Variants in MXD1 observed in about 807,000 individuals in gnomAD.
MXD1 encodes the protein MAX dimerization protein 1.
MXD1 carries 9 observed loss-of-function variants against 25.7 expected under a neutral mutation model. The ratio of observed to expected loss-of-function variants is 0.35; its 90% confidence interval spans 0.21 to 0.61. MXD1 has a LOEUF of 0.61. Ranked by LOEUF, MXD1 falls within the 20% of genes least tolerant of loss-of-function variation. The pLI, the probability that MXD1 is intolerant of heterozygous loss-of-function variation, is 0.75. For synonymous variants in MXD1, 99 were observed against 113.9 expected (o/e 0.87, Z 0.83); for missense variants, 227 against 292.4 (o/e 0.78, Z 1.63).
At chr2:69,923,645 A>G (rs997643494) in intron 3 of MXD1, among the ~76,000 whole-genome samples, 2 of 151,864 alleles carry the variant, frequency 1.3e-5, no homozygotes, top group African/African-American at 2.4e-5. Flanking sequence ...TGCTCATCCC[A>G]TCGTCTTCCC....
At chr2:69,935,093 A>G (rs951160859) in intron 3 of MXD1, among the ~76,000 whole-genome samples, 2 of 152,246 alleles carry the variant, frequency 1.3e-5, no homozygotes, top group Non-Finnish European at 2.9e-5. Flanking sequence ...GTGAATGACT[A>G]TATAATAGCA....
rs1318646523 is a variant in MXD1, at chr2:69,941,510, GTGTTGA to G, written c.*3228_*3233del. ...TCAACCTAAGATGAAAATAATTTCA[GTGTTGA>G]TTCAGAACTGAACATTAAGTAGGCC... On this transcript the variant is annotated 3_prime_UTR_variant, in exon 6 of 6. Transcript: ENST00000264444. The G allele has an allele frequency of 6.6e-6, 1 of 152,220 alleles. No homozygotes were observed. Among genetic ancestry groups the G allele is most frequent in the East Asian group, 1.9e-4 (1 of 5,204 alleles). The allele number at this position is 152,220 out of a possible 1,614,324, so 9.4% of individuals were successfully genotyped here. A position where few individuals can be genotyped will look rare whatever the true frequency, so the allele number is the denominator to read the frequency against.
rs552761228 is a variant in MXD1 at position 69,942,667 on chromosome 2, T to A, written c.*4383T>A. ...ATTGGTGCTCTTGGAATATTGCTGT[T>A]ACCATCATTTTTGGGGGGCCATCTT... On this transcript the variant is annotated 3_prime_UTR_variant, in exon 6 of 6. Coordinates refer to ENST00000264444, the MANE Select transcript of MXD1 (RefSeq NM_002357.4). 1 of 152,358 alleles carries A rather than the reference T, an allele frequency of 6.6e-6. No individual in the cohort carries two copies. The highest frequency in any genetic ancestry group is 2.4e-5 in the African/African-American group (1 of 41,588). The allele number at this position is 152,358 out of a possible 1,614,324, so 9.4% of individuals were successfully genotyped here.
intron 3 of MXD1, among the ~76,000 whole-genome samples, chr2:69,928,078 C>G (rs1207470368): frequency 6.6e-6 from 1 of 151,886 alleles, no homozygotes. Flanking sequence ...ATTAATTTTA[C>G]AAGTCCCATT....
At chr2:69,935,141 G>C (rs1196660326) in intron 3 of MXD1, among the ~76,000 whole-genome samples, 2 of 152,194 alleles carry the variant, frequency 1.3e-5, no homozygotes, top group Admixed American at 6.5e-5. Context: ...ATTATCAATA[G>C]ACTTAGCTTC....
intron 3 of MXD1, among the ~76,000 whole-genome samples, chr2:69,930,691 C>T (rs1347799846): frequency 6.6e-6 from 1 of 152,152 alleles, no homozygotes; most frequent in African/African-American, 2.4e-5. Context: ...CCTCTGTCTG[C>T]CTAGTGAGAC....
At chr2:69,926,850 A>G (rs1475011856) in intron 3 of MXD1, among the ~76,000 whole-genome samples, 6 of 152,242 alleles carry the variant, frequency 3.9e-5, no homozygotes, top group African/African-American at 1.4e-4. Context: ...GCTACAGCCA[A>G]TAGGTCAGGA....
In MXD1 at chr2:69,940,240, A is replaced by G. The variant is rs976924379; in HGVS notation, c.*1956A>G. 2 of 151,590 alleles carry G rather than the reference A, an allele frequency of 1.3e-5. No homozygotes were observed. Among genetic ancestry groups the G allele is most frequent in the African/African-American group, 2.4e-5 (1 of 41,214 alleles). 9.4% of individuals were successfully genotyped at this position (151,590 alleles called of 1,614,324 possible). ...CAACTTGTATGCCTTTTGCATTTTT[A>G]AAGCCTGCTTCCTGGATTTAAGCAG... On this transcript the variant is annotated 3_prime_UTR_variant, in exon 6 of 6. Coordinates refer to ENST00000264444, the MANE Select transcript of MXD1 (RefSeq NM_002357.4).
At position 69,937,390 on chromosome 2, in the gene MXD1, C is replaced by A. The variant is rs369382447; in HGVS notation, c.474C>A (p.Asp158Glu). The A allele has an allele frequency of 6.2e-7, 1 of 1,603,618 alleles. No individual in the cohort carries two copies. Among genetic ancestry groups the A allele is most frequent in the South Asian group, 1.1e-5 (1 of 90,012 alleles). Residue 158 changes from aspartate (D) to glutamate (E), a missense_variant, in exon 5 of 6, where the codon GAC becomes GAA. Transcript: ENST00000264444. ...STVSSERSDS[D>E]REEIDVDVES... ...TCTCCTCGGAGCGCTCCGACTCCGACAGGGGTGAGCCTCTCTCACTCTCCT... is the reference window on the plus strand; with the variant it reads ...TCTCCTCGGAGCGCTCCGACTCCGAAAGGGGTGAGCCTCTCTCACTCTCCT...
rs1045888605 is a variant in MXD1 at position 69,938,636 on chromosome 2, A to C, written c.*352A>C. The C allele has an allele frequency of 6.3e-5, 12 of 191,956 alleles. No individual in the cohort carries two copies. The Admixed American group carries it at 6.8e-4, about 11-fold the overall frequency. 11.9% of individuals were successfully genotyped at this position (191,956 alleles called of 1,614,324 possible). On this transcript the variant is annotated 3_prime_UTR_variant, in exon 6 of 6. Coordinates refer to ENST00000264444, the MANE Select transcript of MXD1 (RefSeq NM_002357.4). ...GACCTTTCTTCCAGTTTTCTGGCTT[A>C]CTGTGTTACTTGCCTAGGAGGAATG... is the stretch of plus-strand genomic sequence containing the variant.
chr2:69,922,050 T>G (rs1677074936), intron 3 of MXD1, among the ~76,000 whole-genome samples: 2 of 152,212 alleles, frequency 1.3e-5, no homozygotes, highest in Non-Finnish European at 2.9e-5. Context: ...AGGCAACATT[T>G]CCACAAATAG....
intron 3 of MXD1, among the ~76,000 whole-genome samples, chr2:69,930,841 G>A (rs1204578109): frequency 2.0e-5 from 3 of 152,152 alleles, no homozygotes; most frequent in Non-Finnish European, 4.4e-5. Context: ...CTCCCTGTCA[G>A]ACCCTGACCC....
intron 3 of MXD1, among the ~76,000 whole-genome samples, chr2:69,925,944 A>T (rs1396310315): frequency 3.3e-5 from 5 of 152,174 alleles, no homozygotes; most frequent in Non-Finnish European, 7.4e-5. Context: ...AGTAAAAAAT[A>T]AAAAAACACA....
At chr2:69,916,370 G>A in intron 2 of MXD1, 150 bp downstream of exon 2, 1 of 506,726 alleles carries the variant, frequency 2.0e-6, no homozygotes, top group East Asian at 3.4e-5. Context: ...TTAAGCCATT[G>A]CAGGAAGCTG....
rs372822770 is a variant in MXD1 at position 69,915,217 on chromosome 2, G to C, written c.-114G>C. The stretch of plus-strand genomic sequence containing the variant: ...AGGCTCCCTCAGCCCTGCTCCGCGG[G>C]GTCCACAGCGGGCTCCACAGCGGGC... On this transcript the variant is annotated 5_prime_UTR_variant, in exon 1 of 6. Coordinates refer to ENST00000264444, the MANE Select transcript of MXD1 (RefSeq NM_002357.4). The surrounding 1 kb of genome is among the most constrained non-coding windows in gnomAD (Gnocchi z 5.8). 1 of 938,478 alleles carries C rather than the reference G, an allele frequency of 1.1e-6. No individual in the cohort carries two copies. Among genetic ancestry groups the C allele is most frequent in the Non-Finnish European group, 1.4e-6 (1 of 701,576 alleles). The allele number at this position is 938,478 out of a possible 1,614,324, so 58.1% of individuals were successfully genotyped here.
rs1225430275 is a variant in MXD1 at position 69,937,468 on chromosome 2, CAGGAGGCAG to C, written c.478+77_478+85del. On this transcript the variant is annotated intron_variant, in intron 5 of 5. Coordinates refer to ENST00000264444, the MANE Select transcript of MXD1 (RefSeq NM_002357.4). ...CAGAGCAGGGGTTCAGTACTGCGGA[CAGGAGGCAG>C]AGTGTAAGAAGAACTAAGACACTGG... 5.7e-6 allele frequency: 8 copies of C among 1,402,398 alleles called. No homozygotes were observed. In the Admixed American group the frequency reaches 2.0e-4, roughly 34 times the overall value. 86.9% of individuals were successfully genotyped at this position (1,402,398 alleles called of 1,614,324 possible). A position where few individuals can be genotyped will look rare whatever the true frequency, so the allele number is the denominator to read the frequency against.
Position 69,938,090 on chromosome 2 carries a change from C to A in MXD1, c.479-7C>A, listed in dbSNP as rs752606332. On this transcript the variant is annotated splice_polypyrimidine_tract_variant and splice_region_variant and intron_variant, in intron 5 of 5. Transcript: ENST00000264444. The stretch of plus-strand genomic sequence containing the variant: ...ATCAATGTCCTTCTCTCTTGTCCTC[C>A]CTGCAGAAGAAATCGACGTTGACGT... 13 of 1,613,060 alleles carry A rather than the reference C, an allele frequency of 8.1e-6. No individual in the cohort carries two copies. In the South Asian group the frequency reaches 1.4e-4, roughly 18 times the overall value.
intron 3 of MXD1, among the ~76,000 whole-genome samples, chr2:69,925,605 C>T (rs13404878): frequency 0.022 from 3,353 of 152,088 alleles, 113 homozygotes; most frequent in South Asian, 0.073. Context: ...GCATCTTTTC[C>T]AGTTATAAAC....
chr2:69,929,371 C>T (rs544788352), intron 3 of MXD1, among the ~76,000 whole-genome samples: 5 of 152,202 alleles, frequency 3.3e-5, no homozygotes, highest in Non-Finnish European at 7.3e-5. Flanking sequence ...CAGATAGCAC[C>T]ATCTACCTAA....
Sources: allele counts gnomAD v4.1 joint callset (sites outside exome capture counted in the v4.1 genomes callset), GRCh38; gene constraint gnomAD v4.1.1; non-coding constraint Gnocchi (gnomAD v3.1); transcripts MANE v1.5; gene names NCBI Gene and HGNC (gene_info 2026-07-23, HGNC 2026-07-21).